ERC2: variants seen among roughly 807,000 people sequenced by gnomAD.
The protein encoded by ERC2 is ELKS/RAB6-interacting/CAST family member 2.
In ERC2, 42 loss-of-function variants were observed where a neutral mutation model predicts 114.8. That is an observed-to-expected ratio of 0.37 (90% CI 0.29 to 0.47). The LOEUF is 0.47. Among genes scored for constraint, ERC2 ranks in the 20% least tolerant of loss-of-function variants. The pLI is 0.99. For synonymous variants in ERC2, 454 were observed against 425.5 expected (o/e 1.07, Z -0.82); for missense variants, 939 against 1,150.7 (o/e 0.82, Z 2.66).
At chr3:55,924,556 T>C (rs939240251) in intron 13 of ERC2, among the ~76,000 whole-genome samples, 1 of 151,928 alleles carries the variant, frequency 6.6e-6, no homozygotes, top group East Asian at 1.9e-4. Flanking sequence ...CACCTTCCTC[T>C]CTCCGCAAAA....
chr3:56,318,815 A>T (rs144676965), intron 2 of ERC2, among the ~76,000 whole-genome samples: 113 of 151,880 alleles, frequency 7.4e-4, no homozygotes, highest in African/African-American at 2.7e-3. Flanking sequence ...GTCTGGATGC[A>T]GTGGTTCGTG....
intron 17 of ERC2, among the ~76,000 whole-genome samples, chr3:55,611,798 C>G (rs1475022246): frequency 1.3e-5 from 2 of 152,182 alleles, no homozygotes; most frequent in East Asian, 1.9e-4. Context: ...TGCTTCTCTT[C>G]CCCTAGTTCT....
chr3:55,533,156 T>C (rs1240272006), intron 17 of ERC2, among the ~76,000 whole-genome samples: 4 of 152,184 alleles, frequency 2.6e-5, no homozygotes, highest in African/African-American at 9.6e-5. Context: ...GGTTAGCAAA[T>C]CCTGTGTCCG....
intron 15 of ERC2, among the ~76,000 whole-genome samples, chr3:55,709,205 A>G (rs924082175): frequency 2.0e-5 from 3 of 152,090 alleles, no homozygotes; most frequent in Non-Finnish European, 2.9e-5. Flanking sequence ...ATTCTAGGAG[A>G]ATGTGAGGTT....
At chr3:56,339,001 T>A (rs778641445) in intron 2 of ERC2, among the ~76,000 whole-genome samples, 36 of 151,938 alleles carry the variant, frequency 2.4e-4, no homozygotes, top group Non-Finnish European at 2.4e-4. Flanking sequence ...CCAGCAAAGG[T>A]AGGGAGAGGG....
At chr3:56,363,169 T>A (rs1262819854) in intron 2 of ERC2, among the ~76,000 whole-genome samples, 2 of 152,196 alleles carry the variant, frequency 1.3e-5, no homozygotes, top group African/African-American at 4.8e-5. Flanking sequence ...AGGAATGCAA[T>A]GAGAAATAGA....
chr3:55,970,394 G>A (rs9817480), intron 12 of ERC2, among the ~76,000 whole-genome samples: 110,322 of 151,430 alleles, frequency 0.73, 40,391 homozygotes, highest in Admixed American at 0.79. Context: ...TACTATAGTA[G>A]TATTAGTAAT....
intron 6 of ERC2, 57 bp downstream of exon 6, chr3:56,139,450 AGG>A (rs1461160991): frequency 6.5e-7 from 1 of 1,534,624 alleles, no homozygotes; most frequent in Non-Finnish European, 8.8e-7. Flanking sequence ...TTGTTCAGGT[AGG>A]GCAATTTCTA....
chr3:55,629,994 G>A (rs946647775), intron 17 of ERC2, among the ~76,000 whole-genome samples: 10 of 152,146 alleles, frequency 6.6e-5, no homozygotes, highest in African/African-American at 1.4e-4. Context: ...AGAAAGTGGG[G>A]TACCATGAAT....
chr3:55,710,300 T>A (rs1315832241), intron 15 of ERC2, among the ~76,000 whole-genome samples: 1 of 152,124 alleles, frequency 6.6e-6, no homozygotes, highest in Non-Finnish European at 1.5e-5. Flanking sequence ...ATTCTCTCAG[T>A]ACATGAACAT....
intron 7 of ERC2, among the ~76,000 whole-genome samples, chr3:56,046,837 C>T (rs1369732796): frequency 6.6e-6 from 1 of 152,148 alleles, no homozygotes; most frequent in Non-Finnish European, 1.5e-5. Flanking sequence ...TCATTTTCTT[C>T]CTTTCAAAGT....
intron 12 of ERC2, among the ~76,000 whole-genome samples, chr3:55,956,374 C>A (rs1217653728): frequency 2.0e-5 from 3 of 152,106 alleles, no homozygotes; most frequent in Non-Finnish European, 4.4e-5. Flanking sequence ...ACGACAGAAG[C>A]TGACAATGCA....
chr3:55,807,579 G>A (rs1184507815), intron 14 of ERC2, among the ~76,000 whole-genome samples: 1 of 152,078 alleles, frequency 6.6e-6, no homozygotes, highest in Non-Finnish European at 1.5e-5. Flanking sequence ...GGGTGTGGCT[G>A]AGTTCCAATA....
At chr3:55,833,683 A>C (rs555963930) in intron 14 of ERC2, among the ~76,000 whole-genome samples, 2,676 of 152,336 alleles carry the variant, frequency 0.018, 87 homozygotes, top group African/African-American at 0.061. Context: ...CATCGAGGCT[A>C]GGAAGAAACT....
intron 6 of ERC2, 43 bp downstream of exon 6, chr3:56,139,466 A>G (rs770957350): frequency 1.0e-5 from 16 of 1,574,738 alleles, no homozygotes; most frequent in East Asian, 4.5e-5. Flanking sequence ...ATTTCTATCA[A>G]TTCAATGTCT....
intron 14 of ERC2, among the ~76,000 whole-genome samples, chr3:55,854,199 C>T (rs1045312213): frequency 1.3e-5 from 2 of 152,156 alleles, no homozygotes; most frequent in Admixed American, 6.5e-5. Context: ...CGCTTGAATC[C>T]GGGAGGCGGA....
intron 3 of ERC2, among the ~76,000 whole-genome samples, chr3:56,285,722 T>A (rs1576273244): frequency 6.6e-6 from 1 of 152,188 alleles, no homozygotes; most frequent in South Asian, 2.1e-4. Flanking sequence ...CACTAACAAC[T>A]ACCACATGTC....
At chr3:56,215,178 A>G (rs1221929611) in intron 3 of ERC2, among the ~76,000 whole-genome samples, 1 of 152,186 alleles carries the variant, frequency 6.6e-6, no homozygotes, top group Non-Finnish European at 1.5e-5. Flanking sequence ...AAATGCTCCA[A>G]TTAAAAGACA....
intron 2 of ERC2, among the ~76,000 whole-genome samples, chr3:56,388,759 A>G (rs1394366359): frequency 1.3e-5 from 2 of 152,082 alleles, no homozygotes; most frequent in Non-Finnish European, 2.9e-5. Flanking sequence ...TCACATATAT[A>G]TCTAATCTCC....
Sources: allele counts gnomAD v4.1 joint callset (sites outside exome capture counted in the v4.1 genomes callset), GRCh38; gene constraint gnomAD v4.1.1; transcripts MANE v1.5; gene names NCBI Gene and HGNC (gene_info 2026-07-23, HGNC 2026-07-21).